The following GALNTL6 variants were observed in gnomAD, a reference collection of about 807,000 sequenced individuals.
GALNTL6 encodes the protein polypeptide N-acetylgalactosaminyltransferase-like 6.
Under a neutral mutation model 73.7 loss-of-function variants are expected in GALNTL6, and 46 were observed. The observed-to-expected ratio is 0.62, with a 90% CI of 0.49 to 0.80. GALNTL6 has a LOEUF of 0.80. GALNTL6 is among the 30% of genes least tolerant of loss of function. The pLI is 0.00. For missense variants in GALNTL6, 604 were observed against 755.0 expected (o/e 0.80, Z 2.34); for synonymous variants, 259 against 263.7 (o/e 0.98, Z 0.17).
intron 5 of GALNTL6, among the ~76,000 whole-genome samples, chr4:172,352,102 G>C (rs1741962449): frequency 6.6e-6 from 1 of 152,098 alleles, no homozygotes; most frequent in African/African-American, 2.4e-5. Flanking sequence ...GTTAAATTCT[G>C]TAATAGTGGG....
At chr4:172,825,942 A>T (rs1166645592) in intron 7 of GALNTL6, among the ~76,000 whole-genome samples, 1 of 152,182 alleles carries the variant, frequency 6.6e-6, no homozygotes, top group Admixed American at 6.5e-5. Context: ...AAGAATTTAC[A>T]TTTTAACTTT....
intron 2 of GALNTL6, among the ~76,000 whole-genome samples, chr4:171,869,122 G>T (rs770011758): frequency 6.6e-6 from 1 of 152,158 alleles, no homozygotes; most frequent in Admixed American, 6.5e-5. Context: ...ATAGCTAAAA[G>T]ATTTCTTCAG....
At position 172,371,704 on chromosome 4, in the gene GALNTL6, A is replaced by C. The variant is rs972288838; in HGVS notation, c.553+23015A>C. Among the ~76,000 whole-genome samples, 7 of 140,104 alleles carry C rather than the reference A, an allele frequency of 5.0e-5. No individual in the cohort carries two copies. In the Admixed American group the frequency reaches 5.0e-4, roughly 10 times the overall value. The allele number at this position is 140,104 out of a possible 152,430, so 91.9% of individuals were successfully genotyped here. A position where few individuals can be genotyped will look rare whatever the true frequency, so the allele number is the denominator to read the frequency against. ...CTCTTCCTCTCTCTCTCTCTCTTTG[A>C]CTTTCTGTCTCTTTCTCTCTTTCCT... is the stretch of plus-strand genomic sequence containing the variant. On this transcript the variant is annotated intron_variant, in intron 5 of 12. Transcript: ENST00000506823.
intron 2 of GALNTL6, chr4:172,052,466 G>A (rs758858357): frequency 8.7e-5 from 134 of 1,535,020 alleles, no homozygotes; most frequent in Middle Eastern, 1.7e-4. Flanking sequence ...GTTCAGAGCC[G>A]GAGCTGGCCA....
intron 2 of GALNTL6, among the ~76,000 whole-genome samples, chr4:172,084,436 T>G (rs1487861327): frequency 6.6e-6 from 1 of 152,140 alleles, no homozygotes; most frequent in East Asian, 1.9e-4. Context: ...TATGACCAAC[T>G]AAATGTTATG....
chr4:172,441,592 A>G (rs1482576340), intron 5 of GALNTL6, among the ~76,000 whole-genome samples: 1 of 152,100 alleles, frequency 6.6e-6, no homozygotes, highest in Non-Finnish European at 1.5e-5. Context: ...GCTGTTTAAA[A>G]TGGCCTCCAA....
chr4:172,883,541 C>T (rs771848484), intron 8 of GALNTL6, among the ~76,000 whole-genome samples: 9 of 152,102 alleles, frequency 5.9e-5, no homozygotes, highest in Non-Finnish European at 8.8e-5. Context: ...CCAGATCTCA[C>T]GAGAACTCAC....
intron 4 of GALNTL6, among the ~76,000 whole-genome samples, chr4:172,332,517 G>T (rs557741254): frequency 7.8e-6 from 1 of 128,290 alleles, no homozygotes; most frequent in Admixed American, 8.6e-5. Context: ...ATTTCCATCC[G>T]ATCAAGTTTT....
chr4:172,050,708 C>A (rs1000336803), intron 2 of GALNTL6, among the ~76,000 whole-genome samples: 3 of 152,146 alleles, frequency 2.0e-5, no homozygotes, highest in African/African-American at 7.2e-5. Flanking sequence ...GCTATTATCA[C>A]CTTCTTGCTT....
intron 5 of GALNTL6, among the ~76,000 whole-genome samples, chr4:172,690,621 A>T (rs1279807212): frequency 6.6e-6 from 1 of 152,228 alleles, no homozygotes; most frequent in Non-Finnish European, 1.5e-5. Flanking sequence ...AGAAGAGGTC[A>T]CCTGAGCACA....
intron 2 of GALNTL6, among the ~76,000 whole-genome samples, chr4:171,843,110 T>A (rs1735280273): frequency 6.6e-6 from 1 of 152,134 alleles, no homozygotes; most frequent in African/African-American, 2.4e-5. Flanking sequence ...ACTGCTAGAA[T>A]GATGGAATAA....
At chr4:172,378,073 G>T (rs1207291088) in intron 5 of GALNTL6, among the ~76,000 whole-genome samples, 1 of 152,186 alleles carries the variant, frequency 6.6e-6, no homozygotes, top group Non-Finnish European at 1.5e-5. Context: ...GCGAGTGAGG[G>T]CTGCCAGCAC....
intron 11 of GALNTL6, among the ~76,000 whole-genome samples, chr4:173,019,371 G>A (rs954404886): frequency 1.4e-4 from 21 of 152,204 alleles, no homozygotes; most frequent in African/African-American, 4.8e-4. Context: ...CAGGGGAGGT[G>A]CAAGGACAGG....
At chr4:172,600,977 A>C (rs1009002967) in intron 5 of GALNTL6, among the ~76,000 whole-genome samples, 5 of 152,106 alleles carry the variant, frequency 3.3e-5, no homozygotes, top group Non-Finnish European at 7.4e-5. Context: ...AAAAACAAAA[A>C]CAAAAAAAAA....
Position 172,009,424 on chromosome 4 carries a change from C to A in GALNTL6, c.138+194706C>A, listed in dbSNP as rs553859072. ...TAATGAAGATTTTCAAATGGTCTAC[C>A]CCCTGTGCCTGTCCCTGGCATTTAA... On this transcript the variant is annotated intron_variant, in intron 2 of 12. Transcript: ENST00000506823. Among the ~76,000 whole-genome samples, 3 of 152,122 alleles carry A rather than the reference C, an allele frequency of 2.0e-5. No homozygotes were observed. In the South Asian group the frequency reaches 6.2e-4, roughly 32 times the overall value.
intron 5 of GALNTL6, among the ~76,000 whole-genome samples, chr4:172,646,408 C>G (rs1399794920): frequency 1.3e-5 from 2 of 151,988 alleles, no homozygotes; most frequent in Non-Finnish European, 2.9e-5. Flanking sequence ...TGAATGTAGA[C>G]AACTTCACAA....
intron 5 of GALNTL6, among the ~76,000 whole-genome samples, chr4:172,385,028 G>GT (rs35364844): frequency 0.026 from 3,327 of 128,774 alleles, 124 homozygotes; most frequent in African/African-American, 0.084. Context: ...TTGTTTTTTT[G>GT]TTTTTTTTTT....
intron 5 of GALNTL6, among the ~76,000 whole-genome samples, chr4:172,572,325 A>T (rs1360400428): frequency 1.3e-5 from 2 of 152,202 alleles, no homozygotes. Flanking sequence ...AGAACCTCAC[A>T]TGGATTATTA....
At chr4:172,084,664 G>GA in intron 2 of GALNTL6, among the ~76,000 whole-genome samples, 1 of 151,836 alleles carries the variant, frequency 6.6e-6, no homozygotes, top group East Asian at 1.9e-4. Flanking sequence ...GATGTGTCTA[G>GA]AAATGTCATT....
Sources: gnomAD v4.1 joint callset for allele counts (sites outside exome capture counted in the v4.1 genomes callset) on GRCh38, gnomAD v4.1.1 for gene constraint, MANE v1.5 for transcripts, NCBI Gene and HGNC (gene_info 2026-07-23, HGNC 2026-07-21) for gene names.